Variants in GRIA4 observed in about 807,000 individuals in gnomAD.
GRIA4 encodes the protein glutamate receptor 4.
Under a neutral mutation model 104.0 loss-of-function variants are expected in GRIA4, and 34 were observed. The ratio of observed to expected loss-of-function variants is 0.33; its 90% CI spans 0.25 to 0.44. GRIA4 has a LOEUF of 0.44. Among genes scored for constraint, GRIA4 ranks in the 20% least tolerant of loss-of-function variants. GRIA4 has a pLI of 1.00. For missense variants in GRIA4, 750 were observed against 1,096.5 expected, an observed-to-expected ratio of 0.68 and a Z score of 4.46; for synonymous variants, 386 against 381.9, an observed-to-expected ratio of 1.01 and a Z score of -0.13.
Position 105,924,491 on chromosome 11 carries a change from TA to T in GRIA4, c.1570del (p.Ile524SerfsTer2). On this transcript the variant is annotated frameshift_variant, in exon 12 of 17. Transcript: ENST00000282499. LOFTEE classifies it high-confidence loss of function. ...AGCCCTTCATGAGTTTGGGCATATC[TA>T]TCATGATCAAAAAGCCTCAGAAATC... ...SKPFMSLGIS[I>X]MIKKPQKSKP... The T allele has an allele frequency of 2.5e-6, 4 of 1,613,078 alleles. No individual in the cohort carries two copies. The highest frequency in any genetic ancestry group is 3.4e-6 in the Non-Finnish European group (4 of 1,179,208).
intron 8 of GRIA4, 72 bp from the exon 9 acceptor site, chr11:105,905,125 C>A: frequency 2.4e-6 from 2 of 817,022 alleles, no homozygotes; most frequent in Non-Finnish European, 2.1e-6. Flanking sequence ...TAGTTATAAG[C>A]CCAGCAGATG....
chr11:105,690,978 TAGGA>T (rs1443482761), intron 3 of GRIA4, among the ~76,000 whole-genome samples: 1 of 152,144 alleles, frequency 6.6e-6, no homozygotes, highest in African/African-American at 2.4e-5. Flanking sequence ...ATCTTTAAAA[TAGGA>T]AGGGCCAGTT....
chr11:105,731,869 G>C (rs1268188962), intron 3 of GRIA4, among the ~76,000 whole-genome samples: 1 of 151,916 alleles, frequency 6.6e-6, no homozygotes, highest in Non-Finnish European at 1.5e-5. Flanking sequence ...ACAAACCAGG[G>C]CCTGTCGGGG....
At chr11:105,748,392 T>C (rs973510600) in intron 3 of GRIA4, among the ~76,000 whole-genome samples, 2 of 152,064 alleles carry the variant, frequency 1.3e-5, no homozygotes, top group Non-Finnish European at 2.9e-5. Context: ...GATTTTTTTT[T>C]TTTTGAGACG....
intron 4 of GRIA4, among the ~76,000 whole-genome samples, chr11:105,763,156 G>T (rs1184498046): frequency 6.6e-6 from 1 of 152,120 alleles, no homozygotes; most frequent in African/African-American, 2.4e-5. Flanking sequence ...AGGGTCTCAA[G>T]AAATATAATT....
At chr11:105,801,738 T>C (rs1224167382) in intron 4 of GRIA4, among the ~76,000 whole-genome samples, 1 of 152,066 alleles carries the variant, frequency 6.6e-6, no homozygotes, top group Non-Finnish European at 1.5e-5. Flanking sequence ...TGAATTTGAC[T>C]AAAAATAAGA....
At chr11:105,960,029 T>C (rs1443962590) in intron 14 of GRIA4, among the ~76,000 whole-genome samples, 1 of 152,252 alleles carries the variant, frequency 6.6e-6, no homozygotes, top group African/African-American at 2.4e-5. Context: ...ACCAACCTGA[T>C]GCCAGTAGGA....
chr11:105,931,969 G>A lies in GRIA4; in HGVS notation c.2047-1753G>A, dbSNP rs529562738. Among the ~76,000 whole-genome samples the A allele has an allele frequency of 1.5e-3, 229 of 151,892 alleles. 12 individuals are homozygous for A. The South Asian group carries it at 0.045, about 30-fold the overall frequency. ...GAATTCTATATTTTGGTAAACAAAGGAAGCTCAATGTAAATAAATGTACAC... is the reference window on the plus strand; with the variant it reads ...GAATTCTATATTTTGGTAAACAAAGAAAGCTCAATGTAAATAAATGTACAC... On this transcript the variant is annotated intron_variant, in intron 13 of 16. Coordinates refer to ENST00000282499, the MANE Select transcript of GRIA4 (RefSeq NM_000829.4).
At chr11:105,820,881 C>A (rs1200317406) in intron 4 of GRIA4, among the ~76,000 whole-genome samples, 3 of 152,128 alleles carry the variant, frequency 2.0e-5, no homozygotes, top group African/African-American at 7.2e-5. Flanking sequence ...ATGCCATATG[C>A]AATCTTTGTC....
At chr11:105,755,541 G>A (rs994941373) in intron 4 of GRIA4, among the ~76,000 whole-genome samples, 1 of 152,218 alleles carries the variant, frequency 6.6e-6, no homozygotes, top group African/African-American at 2.4e-5. Flanking sequence ...CACTGGGAAC[G>A]TCCGTCCTTT....
At chr11:105,911,789 T>C (rs1376445915) in intron 10 of GRIA4, 12 of 174,628 alleles carry the variant, frequency 6.9e-5, no homozygotes, top group South Asian at 1.6e-4. Context: ...TATATATATA[T>C]ATATATATAT....
chr11:105,636,829 G>C (rs1353280070), intron 3 of GRIA4, among the ~76,000 whole-genome samples: 2 of 152,158 alleles, frequency 1.3e-5, no homozygotes, highest in African/African-American at 4.8e-5. Context: ...AAAATGCACA[G>C]GTCTAACTGC....
At chr11:105,732,143 G>A (rs1938637610) in intron 3 of GRIA4, among the ~76,000 whole-genome samples, 1 of 152,100 alleles carries the variant, frequency 6.6e-6, no homozygotes, top group African/African-American at 2.4e-5. Context: ...TGAACAATAA[G>A]GAATTAAAGA....
intron 14 of GRIA4, among the ~76,000 whole-genome samples, chr11:105,935,057 T>A (rs1219750122): frequency 6.6e-6 from 1 of 152,182 alleles, no homozygotes; most frequent in Non-Finnish European, 1.5e-5. Context: ...ATAAATATTA[T>A]ACTTGTTTTC....
intron 4 of GRIA4, among the ~76,000 whole-genome samples, chr11:105,763,137 A>C (rs1249303453): frequency 2.0e-5 from 3 of 152,194 alleles, no homozygotes; most frequent in Non-Finnish European, 4.4e-5. Flanking sequence ...TGTTTGAGGA[A>C]GGAAAAGAAG....
In GRIA4 at chr11:105,726,035, T is replaced by C. The variant is rs550570292; in HGVS notation, c.248-26946T>C. On this transcript the variant is annotated intron_variant, in intron 3 of 16. Transcript: ENST00000282499. ...TACCCCAGTGGCACCTGCAATGCCATTGAGACAGAACCGTTCACTCCCCTG... is the reference window on the plus strand; with the variant it reads ...TACCCCAGTGGCACCTGCAATGCCACTGAGACAGAACCGTTCACTCCCCTG... 4.4e-4 allele frequency among the ~76,000 whole-genome samples: 67 copies of C among 152,076 alleles called. 2 individuals are homozygous for C. Among genetic ancestry groups the C allele is most frequent in the African/African-American group, 1.6e-3 (66 of 41,494 alleles).
At chr11:105,883,728 A>G (rs2136087820) in intron 5 of GRIA4, among the ~76,000 whole-genome samples, 1 of 152,280 alleles carries the variant, frequency 6.6e-6, no homozygotes, top group Non-Finnish European at 1.5e-5. Flanking sequence ...ATAGTGCTGC[A>G]ATAAACATAC....
intron 4 of GRIA4, among the ~76,000 whole-genome samples, chr11:105,784,086 A>G (rs1442935649): frequency 6.6e-6 from 1 of 152,196 alleles, no homozygotes; most frequent in Non-Finnish European, 1.5e-5. Flanking sequence ...AATGGAGACA[A>G]TAATAGTACT....
chr11:105,962,507 T>C (rs1232100787), intron 14 of GRIA4, among the ~76,000 whole-genome samples: 1 of 152,170 alleles, frequency 6.6e-6, no homozygotes, highest in Non-Finnish European at 1.5e-5. Flanking sequence ...CCTAACTCAT[T>C]TGAGGGAAAT....
Sources: gnomAD v4.1 joint callset for allele counts (sites outside exome capture counted in the v4.1 genomes callset) on GRCh38, gnomAD v4.1.1 for gene constraint, MANE v1.5 for transcripts, NCBI Gene and HGNC (gene_info 2026-07-23, HGNC 2026-07-21) for gene names.